The following CD80 variants were observed in gnomAD, a reference collection of about 807,000 sequenced individuals.
The protein encoded by CD80 is CD80 molecule.
A neutral mutation model predicts 27.1 loss-of-function variants in CD80; 13 were observed. That is an observed-to-expected ratio of 0.48 (90% CI 0.31 to 0.76). The LOEUF (loss-of-function observed/expected upper bound fraction) is 0.76. Among genes scored for constraint, CD80 ranks in the 30% least tolerant of loss-of-function variants. The pLI is 0.04. For synonymous variants in CD80, 125 were observed against 125.5 expected, an observed-to-expected ratio of 1.00 and a Z score of 0.03; for missense variants, 277 against 347.9, an observed-to-expected ratio of 0.80 and a Z score of 1.62.
intron 2 of CD80, among the ~76,000 whole-genome samples, chr3:119,548,044 C>T (rs566561175): frequency 1.2e-4 from 18 of 151,628 alleles, no homozygotes; most frequent in Non-Finnish European, 2.4e-4. Context: ...TGAAGTGGCG[C>T]GATCTCAGCT....
rs1444553508 is a variant in CD80 at position 119,557,692 on chromosome 3, T to G, written c.37A>C (p.Lys13Gln). The change falls in exon 2 of 7, where the codon AAG becomes CAG. Residue 13 changes from lysine (K) to glutamine (Q), a missense_variant. Transcript: ENST00000264246. ...HTRRQGTSPSKCPYLNFFQLL... is the reference protein window; with the variant it reads ...HTRRQGTSPSQCPYLNFFQLL... The stretch of plus-strand genomic sequence containing the variant: ...TGAAAGAAATTGAGGTATGGACACT[T>G]GGATGGTGATGTTCCCTGCCTCCGT... 6.2e-7 allele frequency: 1 copy of G among 1,613,614 alleles called. No homozygotes were observed. Among genetic ancestry groups the G allele is most frequent in the East Asian group, 2.2e-5 (1 of 44,840 alleles).
chr3:119,545,095 G>A lies in CD80; in HGVS notation c.101-228C>T, dbSNP rs187798214. On this transcript the variant is annotated intron_variant, in intron 2 of 6. Transcript: ENST00000264246. ...GTGGTGGCTCACGCCTGTAATCCCA[G>A]CACTTTGGGAGGCCGAGGCAGGCAG... Among the ~76,000 whole-genome samples, 20 of 152,284 alleles carry A rather than the reference G, an allele frequency of 1.3e-4. No homozygotes were observed. In the East Asian group the frequency reaches 3.9e-3, roughly 29 times the overall value.
At position 119,556,008 on chromosome 3, in the gene CD80, C is replaced by T. The variant is rs138098388; in HGVS notation, c.100+1621G>A. Among the ~76,000 whole-genome samples the T allele has an allele frequency of 5.3e-3, 812 of 152,272 alleles. 15 individuals are homozygous for T. Among genetic ancestry groups the T allele is most frequent in the East Asian group, 0.04 (209 of 5,180 alleles). ...TACCCACTTTCCCAGATCTTGGGCT[C>T]CTACAATCAGGGCAAAGCATTTCAT... On this transcript the variant is annotated intron_variant, in intron 2 of 6. Coordinates refer to ENST00000264246, the MANE Select transcript of CD80 (RefSeq NM_005191.4).
chr3:119,537,277 G>C lies in CD80; in HGVS notation c.560C>G (p.Thr187Arg), dbSNP rs375424839. 6.2e-7 allele frequency: 1 copy of C among 1,613,982 alleles called. No homozygotes were observed. The highest frequency in any genetic ancestry group is 1.3e-5 in the African/African-American group (1 of 74,890). The change falls in exon 4 of 7, where the codon ACA becomes AGA. Residue 187 changes from threonine (T) to arginine (R), a missense_variant. Transcript: ENST00000264246. ...AGTTTCAGGATCTTGGGAAACTGTT[G>C]TGTTGATGGCATTTAATTCTTCTCC... ...ENGEELNAIN[T>R]TVSQDPETEL...
intron 4 of CD80, among the ~76,000 whole-genome samples, chr3:119,534,592 AT>A (rs2082126975): frequency 6.6e-6 from 1 of 152,164 alleles, no homozygotes; most frequent in Admixed American, 6.5e-5. Context: ...ATATATCCAT[AT>A]TCCAATATAA....
intron 4 of CD80, 53 bp from the exon 5 acceptor site, chr3:119,529,990 AC>A: frequency 7.8e-7 from 1 of 1,288,178 alleles, no homozygotes; most frequent in East Asian, 2.3e-5. Flanking sequence ...ACTGCCTGAT[AC>A]TCATTCTGTG....
rs770316948 is a variant in CD80, at chr3:119,557,660, C to A, written c.69G>T (p.Leu23Phe). 39 of 1,613,480 alleles carry A rather than the reference C, an allele frequency of 2.4e-5. No individual in the cohort carries two copies. Among genetic ancestry groups the A allele is most frequent in the Non-Finnish European group, 3.1e-5 (37 of 1,179,754 alleles). Residue 23 changes from leucine to phenylalanine, a missense_variant, in exon 2 of 7, where the codon TTG (leucine) becomes TTT (phenylalanine). Leu to Phe is a conservative substitution (Grantham distance 22). Coordinates refer to ENST00000264246, the MANE Select transcript of CD80 (RefSeq NM_005191.4). Reference protein sequence around the residue: ...KCPYLNFFQLLVLAGLSHFCS... With the variant: ...KCPYLNFFQLFVLAGLSHFCS... ...AGAAGTGAGAAAGACCAGCCAGCAC[C>A]AAGAGCTGAAAGAAATTGAGGTATG...
At chr3:119,548,754 A>G (rs1388043379) in intron 2 of CD80, among the ~76,000 whole-genome samples, 2 of 152,088 alleles carry the variant, frequency 1.3e-5, no homozygotes, top group Non-Finnish European at 2.9e-5. Flanking sequence ...ACAGAGTCCC[A>G]GGCCGGGCAT....
intron 2 of CD80, among the ~76,000 whole-genome samples, chr3:119,549,878 C>T (rs968562241): frequency 2.6e-5 from 4 of 152,202 alleles, no homozygotes; most frequent in Non-Finnish European, 5.9e-5. Flanking sequence ...ACAACCCAGA[C>T]ACTCCTAGTG....
chr3:119,552,513 CAAAAA>C (rs11369803), intron 2 of CD80, among the ~76,000 whole-genome samples: 5 of 31,304 alleles, frequency 1.6e-4, no homozygotes, highest in South Asian at 1.6e-3. Flanking sequence ...GACTCTGTCT[CAAAAA>C]AAAAAAAAAA....
At chr3:119,556,524 A>G (rs1031107198) in intron 2 of CD80, among the ~76,000 whole-genome samples, 1 of 151,758 alleles carries the variant, frequency 6.6e-6, no homozygotes, top group Admixed American at 6.6e-5. Flanking sequence ...TATATAAAAA[A>G]CCTGAGGTGT....
chr3:119,545,980 A>T (rs1347840085), intron 2 of CD80, among the ~76,000 whole-genome samples: 1 of 152,224 alleles, frequency 6.6e-6, no homozygotes, highest in East Asian at 1.9e-4. Context: ...AAGGTTTTGG[A>T]AGTCACTATC....
At chr3:119,557,243 G>C (rs141128213) in intron 2 of CD80, among the ~76,000 whole-genome samples, 3 of 152,144 alleles carry the variant, frequency 2.0e-5, no homozygotes, top group Non-Finnish European at 4.4e-5. Flanking sequence ...GGACACTTTC[G>C]CTGAGCTGTA....
rs533669907 is a variant in CD80, at chr3:119,545,738, ACCC to A, written c.101-874_101-872del. 2.1e-5 allele frequency among the ~76,000 whole-genome samples: 3 copies of A among 140,490 alleles called. No homozygotes were observed. The South Asian group carries it at 6.7e-4, about 31-fold the overall frequency. 92.2% of individuals were successfully genotyped at this position (140,490 alleles called of 152,430 possible). ...GGATAATGAATAATATTACACACACACCCCCCCCCACATTTTGTTTGCCCATTC... is the reference window on the plus strand; with the variant it reads ...GGATAATGAATAATATTACACACACACCCCCCACATTTTGTTTGCCCATTC... On this transcript the variant is annotated intron_variant, in intron 2 of 6. Coordinates refer to ENST00000264246, the MANE Select transcript of CD80 (RefSeq NM_005191.4).
chr3:119,543,398 T>A (rs55990149), intron 3 of CD80, among the ~76,000 whole-genome samples: 6,122 of 96,050 alleles, frequency 0.064, 381 homozygotes, highest in African/African-American at 0.18. Context: ...ATTCTCTAAC[T>A]TTTTTTTTTT....
intron 2 of CD80, among the ~76,000 whole-genome samples, chr3:119,553,856 A>T (rs1367048853): frequency 6.6e-6 from 1 of 152,224 alleles, no homozygotes; most frequent in Non-Finnish European, 1.5e-5. Context: ...CACCACCTGG[A>T]GATTTTACCG....
chr3:119,540,636 G>A (rs2082162737), intron 3 of CD80, among the ~76,000 whole-genome samples: 1 of 152,066 alleles, frequency 6.6e-6, no homozygotes, highest in Non-Finnish European at 1.5e-5. Flanking sequence ...TTATAACTAG[G>A]AATAATAAAT....
At chr3:119,540,024 A>C (rs2107743112) in intron 3 of CD80, among the ~76,000 whole-genome samples, 1 of 152,306 alleles carries the variant, frequency 6.6e-6, no homozygotes, top group Admixed American at 6.5e-5. Context: ...CAGTGGCACC[A>C]TCTTGGCTTA....
chr3:119,544,856 C>G lies in CD80; in HGVS notation c.112G>C (p.Val38Leu). 1 of 1,613,666 alleles carries G rather than the reference C, an allele frequency of 6.2e-7. No homozygotes were observed. The highest frequency in any genetic ancestry group is 8.5e-7 in the Non-Finnish European group (1 of 1,179,680). The change falls in exon 3 of 7, where the codon GTG (valine) becomes CTG (leucine). Residue 38 changes from valine to leucine, a missense_variant. Val to Leu is a conservative substitution (Grantham distance 32). Transcript: ENST00000264246. ...LSHFCSGVIHVTKEVKEVATL... is the reference protein window; with the variant it reads ...LSHFCSGVIHLTKEVKEVATL... ...GCCACTTCTTTCACTTCCTTGGTCA[C>G]GTGGATAACACCTATGGAGAGGCAA...
Sources: gnomAD v4.1 joint callset for allele counts (sites outside exome capture counted in the v4.1 genomes callset) on GRCh38, gnomAD v4.1.1 for gene constraint, MANE v1.5 for transcripts, NCBI Gene and HGNC (gene_info 2026-07-23, HGNC 2026-07-21) for gene names.